Variants in RFLNA observed in about 807,000 individuals in gnomAD.
RFLNA encodes refilin-A.
RFLNA carries 5 observed loss-of-function variants against 7.8 expected under a neutral mutation model. The ratio of observed to expected loss-of-function variants is 0.64; its 90% CI spans 0.34 to 1.35. The LOEUF (loss-of-function observed/expected upper bound fraction) is 1.35, where lower values mean the gene tolerates loss of function less well. Among genes scored for constraint, RFLNA ranks in the 40% most tolerant of loss-of-function variants. RFLNA has a pLI of 0.04. For missense variants in RFLNA, 278 were observed against 305.5 expected (o/e 0.91, Z 0.67); for synonymous variants, 141 against 131.3 (o/e 1.07, Z -0.50).
intron 1 of RFLNA, 58 bp from the exon 2 acceptor site, chr12:124,311,760 A>G (rs2034247561): frequency 7.1e-7 from 1 of 1,418,036 alleles, no homozygotes; most frequent in South Asian, 1.4e-5. Flanking sequence ...CCCAGCAGGG[A>G]GCTGAGGCCA....
chr12:124,301,591 C>T (rs1040703083), intron 1 of RFLNA, among the ~76,000 whole-genome samples: 3 of 152,128 alleles, frequency 2.0e-5, no homozygotes, highest in African/African-American at 4.8e-5. Flanking sequence ...GATATTTGTC[C>T]ACCTTGCAGC....
chr12:124,310,309 C>G (rs2034219715), intron 1 of RFLNA, among the ~76,000 whole-genome samples: 1 of 149,480 alleles, frequency 6.7e-6, no homozygotes, highest in Non-Finnish European at 1.5e-5. Context: ...ACGGGGTTTT[C>G]TTGGGTTGGT....
rs1593023491 is a variant in RFLNA at position 124,295,248 on chromosome 12, G to A, written c.-182G>A. Reference sequence around the variant, plus strand: ...GCAGGAGCGCGGCCCACGGCGGCGAGCAGGCTGCAGGCCCGCGGGGATCCG... The same window carrying A: ...GCAGGAGCGCGGCCCACGGCGGCGAACAGGCTGCAGGCCCGCGGGGATCCG... On this transcript the variant is annotated 5_prime_UTR_variant, in exon 1 of 3. Transcript: ENST00000546355. The A allele has an allele frequency of 6.3e-6, 1 of 157,994 alleles. No individual in the cohort carries two copies. Among genetic ancestry groups the A allele is most frequent in the Non-Finnish European group, 1.3e-5 (1 of 74,770 alleles). The allele number at this position is 157,994 out of a possible 1,614,324, so 9.8% of individuals were successfully genotyped here.
In RFLNA at chr12:124,306,641, G is replaced by A. The variant is rs1006787724; in HGVS notation, c.208-5177G>A. Among the ~76,000 whole-genome samples the A allele has an allele frequency of 4.6e-5, 7 of 152,164 alleles. No homozygotes were observed. Among genetic ancestry groups the A allele is most frequent in the African/African-American group, 7.2e-5 (3 of 41,430 alleles). On this transcript the variant is annotated intron_variant, in intron 1 of 2. Transcript: ENST00000546355. This position sits in a 1 kb window ranked among gnomAD's most constrained non-coding sequence, Gnocchi z 5.2. Reference sequence around the variant, plus strand: ...AAATGACTTAGCCACTCTGGGCCTCGGTTTCCACATGTGGAAAATGGGGGT... The same window carrying A: ...AAATGACTTAGCCACTCTGGGCCTCAGTTTCCACATGTGGAAAATGGGGGT...
chr12:124,298,411 C>T (rs1397340640), intron 1 of RFLNA, among the ~76,000 whole-genome samples: 3 of 152,152 alleles, frequency 2.0e-5, no homozygotes, highest in Non-Finnish European at 4.4e-5. Flanking sequence ...ATCAAAGGCC[C>T]TGGGGGCCAG....
At position 124,314,906 on chromosome 12, in the gene RFLNA, G is replaced by A. The variant is rs114877676; in HGVS notation, c.*381G>A. 4.4e-3 allele frequency: 1,708 copies of A among 388,964 alleles called. 16 individuals carry two copies. Among genetic ancestry groups the A allele is most frequent in the African/African-American group, 0.031 (1,492 of 48,632 alleles). 24.1% of individuals were successfully genotyped at this position (388,964 alleles called of 1,614,324 possible). A position where few individuals can be genotyped will look rare whatever the true frequency, so the allele number is the denominator to read the frequency against. On this transcript the variant is annotated 3_prime_UTR_variant, in exon 3 of 3. Coordinates refer to ENST00000546355, the MANE Select transcript of RFLNA (RefSeq NM_001365156.1). ...GGACAGAGGCATCCCAGCCTCAGCCGGTGGGGACGGCTGCCACTCCCCCAG... is the reference window on the plus strand; with the variant it reads ...GGACAGAGGCATCCCAGCCTCAGCCAGTGGGGACGGCTGCCACTCCCCCAG...
At chr12:124,290,308 A>G (rs1249992434), upstream of RFLNA, among the ~76,000 whole-genome samples, 2 of 151,870 alleles carry the variant, frequency 1.3e-5, no homozygotes, top group East Asian at 3.9e-4. The surrounding 1 kb of genome is among the most constrained non-coding windows in gnomAD (Gnocchi z 4.0). Context: ...TAGTGTGTAT[A>G]TTTGTGTGTC....
intron 1 of RFLNA, 161 bp from the exon 2 acceptor site, chr12:124,311,657 C>T: frequency 1.7e-6 from 1 of 598,990 alleles, no homozygotes; most frequent in Non-Finnish European, 2.7e-6. Context: ...GGGTGGGCTT[C>T]CTGATGGGCC....
chr12:124,290,776 C>A (rs2033812768), upstream of RFLNA, among the ~76,000 whole-genome samples: 2 of 152,126 alleles, frequency 1.3e-5, no homozygotes, highest in African/African-American at 4.8e-5. This position sits in a 1 kb window ranked among gnomAD's most constrained non-coding sequence, Gnocchi z 4.0. Context: ...GGAAGCATAC[C>A]CCTAATATGC....
intron 1 of RFLNA, among the ~76,000 whole-genome samples, chr12:124,308,996 A>G (rs1402519927): frequency 6.6e-6 from 1 of 152,228 alleles, no homozygotes; most frequent in East Asian, 1.9e-4. Context: ...ACTGAATCGT[A>G]ATGAATTTAA....
chr12:124,305,803 G>A (rs2034127007), intron 1 of RFLNA, among the ~76,000 whole-genome samples: 1 of 151,902 alleles, frequency 6.6e-6, no homozygotes, highest in African/African-American at 2.4e-5. Flanking sequence ...GGTCCTGGGG[G>A]TTAGGGTGTG....
intron 1 of RFLNA, among the ~76,000 whole-genome samples, chr12:124,298,296 C>T (rs1044596429): frequency 6.6e-6 from 1 of 151,908 alleles, no homozygotes; most frequent in Non-Finnish European, 1.5e-5. Context: ...ATTAAAGAGG[C>T]CCCCCCACTT....
intron 1 of RFLNA, among the ~76,000 whole-genome samples, chr12:124,311,031 T>G (rs571141745): frequency 1.2e-4 from 19 of 152,316 alleles, no homozygotes; most frequent in African/African-American, 4.3e-4. Context: ...CTTTCACATC[T>G]TTGACTCCTG....
chr12:124,302,210 C>T (rs1287488439), intron 1 of RFLNA, among the ~76,000 whole-genome samples: 3 of 152,132 alleles, frequency 2.0e-5, no homozygotes, highest in East Asian at 3.9e-4. Flanking sequence ...GTTGCAGGTA[C>T]CAGGGTTTAG....
chr12:124,290,981 G>A (rs1176494383), upstream of RFLNA, among the ~76,000 whole-genome samples: 3 of 152,152 alleles, frequency 2.0e-5, no homozygotes, highest in African/African-American at 4.8e-5. This position sits in a 1 kb window ranked among gnomAD's most constrained non-coding sequence, Gnocchi z 4.0. Flanking sequence ...CTTGGAAGGC[G>A]AGCGGCCTCC....
intron 1 of RFLNA, among the ~76,000 whole-genome samples, chr12:124,310,116 T>G (rs532335364): frequency 7.7e-6 from 1 of 129,620 alleles, no homozygotes; most frequent in South Asian, 2.5e-4. Flanking sequence ...GAGGCTGCAG[T>G]GAGCCATGAT....
At chr12:124,298,395 C>G (rs2033968602) in intron 1 of RFLNA, among the ~76,000 whole-genome samples, 1 of 152,164 alleles carries the variant, frequency 6.6e-6, no homozygotes. Flanking sequence ...GATCACTCCC[C>G]AAGACATCAA....
intron 1 of RFLNA, among the ~76,000 whole-genome samples, chr12:124,304,481 G>C (rs761651944): frequency 6.6e-6 from 1 of 152,240 alleles, no homozygotes; most frequent in Non-Finnish European, 1.5e-5. Flanking sequence ...CTGGCAGCCA[G>C]GTGGGGAGCG....
chr12:124,294,154 A>G (rs2033863969), upstream of RFLNA, among the ~76,000 whole-genome samples: 1 of 152,190 alleles, frequency 6.6e-6, no homozygotes, highest in Admixed American at 6.5e-5. Flanking sequence ...GGGTGTCCAA[A>G]GAGCGGATTC....
Sources: gnomAD v4.1 joint callset for allele counts (sites outside exome capture counted in the v4.1 genomes callset) on GRCh38, gnomAD v4.1.1 for gene constraint, Gnocchi (gnomAD v3.1) non-coding constraint, MANE v1.5 for transcripts, NCBI Gene and HGNC (gene_info 2026-07-23, HGNC 2026-07-21) for gene names.